Variants in PCDH15 observed in about 807,000 individuals in gnomAD.
The protein encoded by PCDH15 is protocadherin-15.
In PCDH15, 129 loss-of-function variants were observed where a neutral mutation model predicts 178.5. That is an observed-to-expected ratio of 0.72 (90% CI 0.63 to 0.84). The LOEUF (loss-of-function observed/expected upper bound fraction) is 0.84, where lower values mean the gene tolerates loss of function less well. Ranked by LOEUF, PCDH15 falls within the 40% of genes least tolerant of loss-of-function variation. The probability of loss-of-function intolerance (pLI) is 0.00; values close to 1 mark genes in which losing one functional copy is unlikely to be tolerated. For missense variants in PCDH15, 2,230 were observed against 2,099.9 expected (o/e 1.06, Z -1.21); for synonymous variants, 800 against 732.0 (o/e 1.09, Z -1.50).
chr10:54,115,463 T>C (rs181670844), intron 15 of PCDH15, among the ~76,000 whole-genome samples: 2 of 152,350 alleles, frequency 1.3e-5, no homozygotes, highest in East Asian at 3.9e-4. Flanking sequence ...TGTTGCACAC[T>C]GAAAGGCTTC....
At chr10:53,867,633 T>C (rs1386585808) in intron 26 of PCDH15, among the ~76,000 whole-genome samples, 1 of 152,078 alleles carries the variant, frequency 6.6e-6, no homozygotes, top group Non-Finnish European at 1.5e-5. Context: ...TCCAAATTGG[T>C]TGAAAGATGG....
chr10:55,580,136 C>T (rs529067766), intron 2 of PCDH15, among the ~76,000 whole-genome samples: 19 of 152,176 alleles, frequency 1.2e-4, no homozygotes, highest in African/African-American at 3.9e-4. Context: ...GGATTACAGG[C>T]GTGAGCCACT....
chr10:54,201,375 T>C (rs551883292), intron 10 of PCDH15, among the ~76,000 whole-genome samples: 17 of 152,132 alleles, frequency 1.1e-4, no homozygotes, highest in African/African-American at 3.4e-4. Flanking sequence ...ACATTTTAAT[T>C]TGGATAATAT....
intron 21 of PCDH15, among the ~76,000 whole-genome samples, chr10:53,968,295 G>C (rs2134393704): frequency 6.6e-6 from 1 of 152,284 alleles, no homozygotes; most frequent in South Asian, 2.1e-4. Context: ...GCAGCAGTGA[G>C]GCTAGGGGAG....
At chr10:55,463,850 G>A (rs1269361624) in intron 2 of PCDH15, among the ~76,000 whole-genome samples, 1 of 149,270 alleles carries the variant, frequency 6.7e-6, no homozygotes, top group Non-Finnish European at 1.5e-5. Context: ...GGGTGACAGA[G>A]TAACAGAATG....
At chr10:54,437,377 A>C (rs1317397517) in intron 3 of PCDH15, among the ~76,000 whole-genome samples, 1 of 143,964 alleles carries the variant, frequency 6.9e-6, no homozygotes, top group East Asian at 2.0e-4. Flanking sequence ...TTACTGAAGA[A>C]AAAAATTAAT....
chr10:54,831,148 T>C (rs1452474915), intron 3 of PCDH15, among the ~76,000 whole-genome samples: 10 of 152,076 alleles, frequency 6.6e-5, no homozygotes, highest in African/African-American at 2.4e-5. Context: ...CTATTTAACT[T>C]CCTGAAAATA....
chr10:55,141,461 T>C (rs1193423503), intron 2 of PCDH15, among the ~76,000 whole-genome samples: 1 of 152,074 alleles, frequency 6.6e-6, no homozygotes, highest in Non-Finnish European at 1.5e-5. Context: ...AGAAGTAACT[T>C]AGAAAGTTTT....
intron 1 of PCDH15, among the ~76,000 whole-genome samples, chr10:55,299,152 T>C (rs1384378928): frequency 6.6e-6 from 1 of 152,204 alleles, no homozygotes; most frequent in Non-Finnish European, 1.5e-5. Context: ...CGTCCCATTT[T>C]ATGATTTATT....
chr10:55,565,392 A>T, intron 2 of PCDH15, among the ~76,000 whole-genome samples: 1 of 151,874 alleles, frequency 6.6e-6, no homozygotes, highest in Non-Finnish European at 1.5e-5. Context: ...TTACATTTAA[A>T]AGTAAGAAAT....
intron 1 of PCDH15, among the ~76,000 whole-genome samples, chr10:55,299,235 A>G (rs1244983777): frequency 6.6e-6 from 1 of 152,174 alleles, no homozygotes; most frequent in Non-Finnish European, 1.5e-5. Context: ...ACTCTTGGAC[A>G]GATAGAAATA....
At chr10:53,964,568 G>A (rs373867293) in intron 21 of PCDH15, among the ~76,000 whole-genome samples, 15 of 145,168 alleles carry the variant, frequency 1.0e-4, no homozygotes, top group African/African-American at 3.5e-4. Context: ...CACACATCAA[G>A]GGTGCCCAGA....
intron 5 of PCDH15, among the ~76,000 whole-genome samples, chr10:54,354,368 A>C (rs1334278093): frequency 6.6e-6 from 1 of 152,210 alleles, no homozygotes; most frequent in Non-Finnish European, 1.5e-5. Context: ...TACATGCTTA[A>C]AGTAAAAAGA....
chr10:55,045,653 ACTT>A (rs1840984295), intron 2 of PCDH15, among the ~76,000 whole-genome samples: 2 of 152,164 alleles, frequency 1.3e-5, no homozygotes, highest in Non-Finnish European at 1.5e-5. Flanking sequence ...AATACTATCT[ACTT>A]CTTTAATTCT....
chr10:54,491,635 T>G (rs1245468612), intron 3 of PCDH15, among the ~76,000 whole-genome samples: 1 of 152,128 alleles, frequency 6.6e-6, no homozygotes, highest in East Asian at 1.9e-4. Context: ...TGGAACCCCT[T>G]ATATCATTTT....
intron 26 of PCDH15, among the ~76,000 whole-genome samples, chr10:53,898,035 C>T (rs1485264753): frequency 7.5e-6 from 1 of 133,104 alleles, no homozygotes; most frequent in African/African-American, 3.0e-5. Flanking sequence ...GGCGTGATTT[C>T]GGCTCACTGC....
At chr10:53,965,519 C>T (rs1285909758) in intron 21 of PCDH15, among the ~76,000 whole-genome samples, 1 of 152,176 alleles carries the variant, frequency 6.6e-6, no homozygotes, top group Non-Finnish European at 1.5e-5. Flanking sequence ...TCAGTACTAT[C>T]TTAAAGGCAA....
intron 2 of PCDH15, among the ~76,000 whole-genome samples, chr10:55,009,573 T>G (rs979310816): frequency 1.3e-5 from 2 of 152,146 alleles, no homozygotes; most frequent in Non-Finnish European, 2.9e-5. Context: ...CTTTTATGAT[T>G]TCTTTTTATG....
chr10:55,199,213 A>T (rs1279238218), intron 1 of PCDH15, among the ~76,000 whole-genome samples: 1 of 152,138 alleles, frequency 6.6e-6, no homozygotes, highest in Non-Finnish European at 1.5e-5. Context: ...GATATGGACA[A>T]TAAAGTCCAG....
Sources: allele counts gnomAD v4.1 joint callset (sites outside exome capture counted in the v4.1 genomes callset), GRCh38; gene constraint gnomAD v4.1.1; transcripts MANE v1.5; gene names NCBI Gene and HGNC (gene_info 2026-07-23, HGNC 2026-07-21).